The following RAPGEF5 variants were observed in gnomAD, a reference collection of about 807,000 sequenced individuals.
The protein encoded by RAPGEF5 is Rap guanine nucleotide exchange factor 5.
In RAPGEF5, 65 loss-of-function variants were observed where a neutral mutation model predicts 125.2. The observed-to-expected ratio is 0.52, with a 90% confidence interval of 0.43 to 0.64. The LOEUF (loss-of-function observed/expected upper bound fraction) is 0.64. RAPGEF5 is among the 30% of genes least tolerant of loss of function. The pLI is 0.00. For missense variants in RAPGEF5, 958 were observed against 1,048.1 expected (o/e 0.91, Z 1.19); for synonymous variants, 391 against 385.9 (o/e 1.01, Z -0.16).
chr7:22,206,067 G>T (rs548367050), intron 9 of RAPGEF5, among the ~76,000 whole-genome samples: 2 of 152,326 alleles, frequency 1.3e-5, no homozygotes, highest in African/African-American at 4.8e-5. Flanking sequence ...TTCCCAGAAA[G>T]AGTTCAACAC....
chr7:22,161,476 G>A (rs1034832149), intron 13 of RAPGEF5, among the ~76,000 whole-genome samples: 12 of 150,954 alleles, frequency 7.9e-5, no homozygotes, highest in Non-Finnish European at 1.8e-4. Flanking sequence ...GTTTGAGGTT[G>A]CAGTGAACTA....
At chr7:22,129,520 C>G (rs1782850013) in intron 24 of RAPGEF5, among the ~76,000 whole-genome samples, 1 of 152,214 alleles carries the variant, frequency 6.6e-6, no homozygotes, top group Non-Finnish European at 1.5e-5. Flanking sequence ...TCCCAAACGA[C>G]AGGGATTAAC....
At chr7:22,226,920 C>T (rs957722427) in intron 8 of RAPGEF5, among the ~76,000 whole-genome samples, 5 of 152,140 alleles carry the variant, frequency 3.3e-5, no homozygotes, top group Non-Finnish European at 7.3e-5. Context: ...GCAGAAACCA[C>T]ACTTACATGA....
At chr7:22,193,150 C>T (rs959576976) in intron 11 of RAPGEF5, 34 of 588,518 alleles carry the variant, frequency 5.8e-5, no homozygotes, top group Non-Finnish European at 3.5e-5. Context: ...ATATCATTTT[C>T]TTTGTACAGC....
intron 6 of RAPGEF5, among the ~76,000 whole-genome samples, chr7:22,284,631 T>A (rs139659869): frequency 5.7e-4 from 87 of 152,164 alleles, no homozygotes; most frequent in African/African-American, 2.0e-3. Flanking sequence ...AAATAAGAAA[T>A]AAAAGGTAAC....
In RAPGEF5 at chr7:22,230,782, G is replaced by A. The variant is rs918216372; in HGVS notation, c.870+64C>T. ...AAACCTATATCATTTTTTAACACCT[G>A]CACTGTCTCACCACCCTCAACACAG... is the stretch of plus-strand genomic sequence containing the variant. On this transcript the variant is annotated intron_variant, in intron 8 of 25. Transcript: ENST00000665637. 14 of 1,405,084 alleles carry A rather than the reference G, an allele frequency of 1.0e-5. No individual in the cohort carries two copies. In the African/African-American group the frequency reaches 2.0e-4, roughly 20 times the overall value. The allele number at this position is 1,405,084 out of a possible 1,614,324, so 87.0% of individuals were successfully genotyped here.
chr7:22,175,660 C>T (rs1003903723), intron 11 of RAPGEF5, among the ~76,000 whole-genome samples: 5 of 152,160 alleles, frequency 3.3e-5, no homozygotes, highest in African/African-American at 7.2e-5. Flanking sequence ...ACATCACACA[C>T]GTGTTCTAAA....
In RAPGEF5 at chr7:22,166,179, G is replaced by C. The variant is rs551667115; in HGVS notation, c.1283+891C>G. Among the ~76,000 whole-genome samples the C allele has an allele frequency of 1.1e-4, 17 of 150,328 alleles. 1 individual carries two copies. In the South Asian group the frequency reaches 2.3e-3, roughly 21 times the overall value. ...TGGACCCAAGCAATCCTCCCACCTT[G>C]GCCTCCCAAAGTGCTGGAATTACAG... is the stretch of plus-strand genomic sequence containing the variant. On this transcript the variant is annotated intron_variant, in intron 12 of 25. Transcript: ENST00000665637.
At chr7:22,221,347 T>G in intron 8 of RAPGEF5, among the ~76,000 whole-genome samples, 1 of 152,244 alleles carries the variant, frequency 6.6e-6, no homozygotes, top group East Asian at 1.9e-4. Context: ...AACTTCAATC[T>G]GTGAGGACTA....
At chr7:22,259,817 C>T (rs533400743) in intron 7 of RAPGEF5, among the ~76,000 whole-genome samples, 187 of 152,314 alleles carry the variant, frequency 1.2e-3, no homozygotes, top group Non-Finnish European at 2.4e-3. Flanking sequence ...TAATGGTTGT[C>T]TCGAACTCCT....
intron 1 of RAPGEF5, among the ~76,000 whole-genome samples, chr7:22,350,122 T>C (rs529106091): frequency 8.5e-5 from 13 of 152,208 alleles, no homozygotes; most frequent in African/African-American, 3.1e-4. Flanking sequence ...GAATTATCTA[T>C]ACTCCTAACA....
Position 22,331,748 on chromosome 7 carries a change from A to AG in RAPGEF5, c.232-13712_232-13711insC, listed in dbSNP as rs1447585164. 3.6e-4 allele frequency among the ~76,000 whole-genome samples: 55 copies of AG among 151,048 alleles called. No homozygotes were observed. The East Asian group carries it at 0.01, about 28-fold the overall frequency. On this transcript the variant is annotated intron_variant, in intron 1 of 25. Transcript: ENST00000665637. ...TGATAGAGCGAGACTCCATCTCAAA[A>AG]AAAAAAAAAAAAAGAAAAAAGAAAA... is the stretch of plus-strand genomic sequence containing the variant.
At chr7:22,350,851 T>C (rs1235047252) in intron 1 of RAPGEF5, among the ~76,000 whole-genome samples, 2 of 152,228 alleles carry the variant, frequency 1.3e-5, no homozygotes, top group Non-Finnish European at 2.9e-5. Flanking sequence ...TCTGTAGCCA[T>C]AGCTAACACA....
chr7:22,161,860 C>T (rs1375795834), intron 13 of RAPGEF5, among the ~76,000 whole-genome samples: 1 of 152,122 alleles, frequency 6.6e-6, no homozygotes, highest in Non-Finnish European at 1.5e-5. Context: ...CAAAGGAATC[C>T]AACTGTCTTA....
intron 1 of RAPGEF5, among the ~76,000 whole-genome samples, chr7:22,346,527 C>T (rs1022298177): frequency 6.6e-6 from 1 of 152,100 alleles, no homozygotes; most frequent in Admixed American, 6.6e-5. Context: ...GTTCACTTCC[C>T]TCAACAGTAA....
intron 23 of RAPGEF5, among the ~76,000 whole-genome samples, chr7:22,135,793 T>G (rs977687662): frequency 6.6e-6 from 1 of 152,182 alleles, no homozygotes; most frequent in Non-Finnish European, 1.5e-5. Context: ...CACAAATGTT[T>G]CCAGTGCCAA....
chr7:22,170,854 C>A (rs1784327401), intron 11 of RAPGEF5, among the ~76,000 whole-genome samples: 1 of 152,038 alleles, frequency 6.6e-6, no homozygotes, highest in Non-Finnish European at 1.5e-5. Flanking sequence ...AACAATGAGG[C>A]TATATAAAAA....
At chr7:22,148,343 TAACTC>T (rs1783511810) in intron 18 of RAPGEF5, among the ~76,000 whole-genome samples, 1 of 152,224 alleles carries the variant, frequency 6.6e-6, no homozygotes, top group Non-Finnish European at 1.5e-5. Flanking sequence ...CTCGAGTTAT[TAACTC>T]TATTTATTCA....
At chr7:22,177,964 G>T (rs1562742111) in intron 11 of RAPGEF5, among the ~76,000 whole-genome samples, 2 of 152,024 alleles carry the variant, frequency 1.3e-5, no homozygotes, top group Non-Finnish European at 2.9e-5. Flanking sequence ...CACCAAAGAT[G>T]CCCCTATAAA....
Sources: allele counts gnomAD v4.1 joint callset (sites outside exome capture counted in the v4.1 genomes callset), GRCh38; gene constraint gnomAD v4.1.1; transcripts MANE v1.5; gene names NCBI Gene and HGNC (gene_info 2026-07-23, HGNC 2026-07-21).